SLC2A5: variants seen among roughly 807,000 people sequenced by gnomAD.
SLC2A5 encodes the protein solute carrier family 2 member 5, also known as solute carrier family 2, facilitated glucose transporter member 5.
A neutral mutation model predicts 50.3 loss-of-function variants in SLC2A5; 56 were observed. That is an observed-to-expected ratio of 1.11 (90% CI 0.90 to 1.39). The LOEUF (loss-of-function observed/expected upper bound fraction) is 1.39. Ranked by LOEUF, SLC2A5 falls within the 40% of genes most tolerant of loss-of-function variation. SLC2A5 has a pLI of 0.00. For missense variants in SLC2A5, 566 were observed against 650.1 expected, an observed-to-expected ratio of 0.87 and a Z score of 1.41; for synonymous variants, 269 against 281.9, an observed-to-expected ratio of 0.95 and a Z score of 0.46.
chr1:9,078,407 C>A (rs555015350), intron 2 of SLC2A5, among the ~76,000 whole-genome samples: 1 of 152,098 alleles, frequency 6.6e-6, no homozygotes, highest in Non-Finnish European at 1.5e-5. Context: ...TCACTTTACT[C>A]GGTCCCTATT....
chr1:9,054,612 A>G (rs935571127), intron 3 of SLC2A5, among the ~76,000 whole-genome samples: 4 of 152,172 alleles, frequency 2.6e-5, no homozygotes, highest in African/African-American at 4.8e-5. Context: ...GAAGAACAAA[A>G]TTGTGAAATA....
rs1203145153 is a variant in SLC2A5, at chr1:9,039,998, G to A, written c.698-11C>T. On this transcript the variant is annotated splice_polypyrimidine_tract_variant and intron_variant, in intron 6 of 11. Transcript: ENST00000377424. ...GCAGCGTCTGTAGGGCTGGGGAGAA[G>A]CGGCACCGTCGGACCAGGGCTGGGG... The A allele has an allele frequency of 1.9e-6, 3 of 1,601,874 alleles. No individual in the cohort carries two copies. The highest frequency in any genetic ancestry group is 3.4e-5 in the Admixed American group (2 of 59,288).
chr1:9,056,461 A>G (rs1426318510), intron 3 of SLC2A5, among the ~76,000 whole-genome samples: 4 of 152,166 alleles, frequency 2.6e-5, no homozygotes, highest in Non-Finnish European at 2.9e-5. Context: ...TTGGGATTAC[A>G]GACGTGAGCC....
intron 3 of SLC2A5, among the ~76,000 whole-genome samples, chr1:9,055,703 G>A (rs1641733893): frequency 6.6e-6 from 1 of 151,896 alleles, no homozygotes. Context: ...ATCACTTGAC[G>A]CCAGGAGTTT....
intron 5 of SLC2A5, chr1:9,041,397 A>G: frequency 1.9e-6 from 2 of 1,044,440 alleles, no homozygotes; most frequent in Non-Finnish European, 2.5e-6. Context: ...ACTGAGTCCC[A>G]GGCAGCAGCG....
chr1:9,066,827 A>T (rs1642094875), intron 1 of SLC2A5, among the ~76,000 whole-genome samples: 1 of 151,750 alleles, frequency 6.6e-6, no homozygotes, highest in African/African-American at 2.4e-5. Flanking sequence ...AATATTTAAA[A>T]ATTAGCCAAG....
At chr1:9,076,657 G>GA (rs1642286843) in intron 2 of SLC2A5, among the ~76,000 whole-genome samples, 1 of 152,182 alleles carries the variant, frequency 6.6e-6, no homozygotes, top group South Asian at 2.1e-4. Context: ...TAATCTAAAG[G>GA]AAAAAACTGA....
chr1:9,078,587 A>G (rs1173891069), intron 2 of SLC2A5, among the ~76,000 whole-genome samples: 1 of 152,168 alleles, frequency 6.6e-6, no homozygotes, highest in Admixed American at 6.5e-5. Context: ...ATCCCCAAAA[A>G]CTATTGAAAA....
chr1:9,087,201 C>T (rs988842060), intron 1 of SLC2A5, among the ~76,000 whole-genome samples: 18 of 146,684 alleles, frequency 1.2e-4, no homozygotes, highest in African/African-American at 4.6e-4. Flanking sequence ...GTGTTTCTTA[C>T]TTCTTTCTTT....
intron 3 of SLC2A5, among the ~76,000 whole-genome samples, chr1:9,055,774 C>G (rs1160463462): frequency 6.6e-6 from 1 of 150,404 alleles, no homozygotes; most frequent in Non-Finnish European, 1.5e-5. Flanking sequence ...AGATTAGCTG[C>G]GCGTGGTGGC....
intron 3 of SLC2A5, among the ~76,000 whole-genome samples, chr1:9,053,056 TA>T (rs1160749559): frequency 5.3e-5 from 5 of 95,068 alleles, no homozygotes; most frequent in African/African-American, 2.4e-4. Flanking sequence ...TATTAATATA[TA>T]ATATATATTA....
chr1:9,075,683 G>C (rs951308370), intron 2 of SLC2A5, among the ~76,000 whole-genome samples: 1 of 151,030 alleles, frequency 6.6e-6, no homozygotes, highest in Non-Finnish European at 1.5e-5. Context: ...TTTTTGAGAC[G>C]AAGTCTCACT....
At chr1:9,057,689 T>G in intron 2 of SLC2A5, 81 bp from the exon 3 acceptor site, 1 of 1,241,482 alleles carries the variant, frequency 8.1e-7, no homozygotes, top group Non-Finnish European at 1.2e-6. Flanking sequence ...GGACACCCAA[T>G]GAAATAACCT....
Position 9,069,561 on chromosome 1 carries a change from C to T in SLC2A5, c.-25G>A, listed in dbSNP as rs5438. On this transcript the variant is annotated 5_prime_UTR_variant, in exon 1 of 12. Transcript: ENST00000377424. ...TGCTTGCTCTGGAAGGGCAGAGTGC[C>T]GCTCACCTCCTTTTAGCCAAAGTAA... is the stretch of plus-strand genomic sequence containing the variant. 0.065 allele frequency: 104,416 copies of T among 1,613,136 alleles called. 4,047 individuals are homozygous for T. The highest frequency in any genetic ancestry group is 0.14 in the African/African-American group (10,646 of 74,980).
intron 2 of SLC2A5, among the ~76,000 whole-genome samples, chr1:9,077,789 A>AGAAGGAAG (rs138515110): frequency 1.8e-5 from 2 of 113,098 alleles, no homozygotes; most frequent in African/African-American, 7.3e-5. Flanking sequence ...AAGAAGGGGA[A>AGAAGGAAG]GAAGGAAGGA....
intron 3 of SLC2A5, among the ~76,000 whole-genome samples, chr1:9,048,377 T>TG (rs1166980284): frequency 1.3e-5 from 2 of 151,990 alleles, no homozygotes; most frequent in African/African-American, 4.8e-5. Context: ...GGCCCACTGG[T>TG]GGCAGGTGCC....
chr1:9,087,146 G>A lies in SLC2A5; in HGVS notation c.-188+1226C>T, dbSNP rs190265681. Among the ~76,000 whole-genome samples the A allele has an allele frequency of 5.5e-4, 83 of 151,694 alleles. No homozygotes were observed. The East Asian group carries it at 0.013, about 23-fold the overall frequency. On this transcript the variant is annotated intron_variant, in intron 1 of 5. Transcript: ENST00000464985. ...TCGGCCAGAAGCCACTTTCAGGTTT[G>A]TTTTCTCTAAAATAAACCTGTCCTT...
At chr1:9,054,286 C>G (rs776906360) in intron 3 of SLC2A5, among the ~76,000 whole-genome samples, 10 of 152,064 alleles carry the variant, frequency 6.6e-5, no homozygotes, top group Non-Finnish European at 1.3e-4. Flanking sequence ...TGGTCCTTTA[C>G]GATGAAACTT....
chr1:9,037,267 G>A lies in SLC2A5; in HGVS notation c.*319C>T. The stretch of plus-strand genomic sequence containing the variant: ...AACTGTTGTTGTTATGTTACCAGGA[G>A]CCACACAAAGGTTGACCCATCAAGG... On this transcript the variant is annotated 3_prime_UTR_variant, in exon 12 of 12. Coordinates refer to ENST00000377424, the MANE Select transcript of SLC2A5 (RefSeq NM_003039.3). The A allele has an allele frequency of 3.0e-6, 1 of 335,466 alleles. No homozygotes were observed. Among genetic ancestry groups the A allele is most frequent in the Non-Finnish European group, 5.7e-6 (1 of 176,812 alleles). The allele number at this position is 335,466 out of a possible 1,614,324, so 20.8% of individuals were successfully genotyped here.
Sources: gnomAD v4.1 joint callset for allele counts (sites outside exome capture counted in the v4.1 genomes callset) on GRCh38, gnomAD v4.1.1 for gene constraint, MANE v1.5 for transcripts, NCBI Gene and HGNC (gene_info 2026-07-23, HGNC 2026-07-21) for gene names.